The following CEP170 variants were observed in gnomAD, a reference collection of about 807,000 sequenced individuals.
CEP170 encodes the protein centrosomal protein 170.
In CEP170, 21 loss-of-function variants were observed where a neutral mutation model predicts 151.9. The ratio of observed to expected loss-of-function variants is 0.14; its 90% CI spans 0.10 to 0.20. The LOEUF (loss-of-function observed/expected upper bound fraction) is 0.20. CEP170 is among the 10% of genes least tolerant of loss of function. The probability of loss-of-function intolerance (pLI) is 1.00; values close to 1 mark genes in which losing one functional copy is unlikely to be tolerated. For synonymous variants in CEP170, 356 were observed against 648.8 expected (o/e 0.55, Z 6.86); for missense variants, 964 against 1,892.9 (o/e 0.51, Z 9.11).
intron 1 of CEP170, among the ~76,000 whole-genome samples, chr1:243,243,525 T>TATTG (rs1453582355): frequency 1.3e-5 from 2 of 151,632 alleles, no homozygotes; most frequent in African/African-American, 4.9e-5. Flanking sequence ...TTTATTTATT[T>TATTG]ATTTATTTAT....
chr1:243,152,317 G>A (rs2057166477), intron 14 of CEP170, among the ~76,000 whole-genome samples: 1 of 150,576 alleles, frequency 6.6e-6, no homozygotes, highest in Non-Finnish European at 1.5e-5. Context: ...CGCCTCCTGG[G>A]TTCACGCCAT....
At chr1:243,142,112 C>T (rs540887275) in intron 15 of CEP170, among the ~76,000 whole-genome samples, 8 of 152,152 alleles carry the variant, frequency 5.3e-5, no homozygotes, top group Admixed American at 2.6e-4. Context: ...TTTCCAGCTT[C>T]GTGTTAATAG....
At chr1:243,228,964 G>A (rs977105193) in intron 1 of CEP170, among the ~76,000 whole-genome samples, 15 of 152,204 alleles carry the variant, frequency 9.9e-5, no homozygotes, top group Non-Finnish European at 2.1e-4. Context: ...GAATGACCCT[G>A]AGTCCACTTA....
At chr1:243,128,532 G>C (rs1431058601) in intron 18 of CEP170, 1 of 467,194 alleles carries the variant, frequency 2.1e-6, no homozygotes, top group Non-Finnish European at 3.6e-6. Context: ...GATGATTGTA[G>C]CAGATGAAAA....
At chr1:243,204,481 TG>T (rs1461852979) in intron 4 of CEP170, among the ~76,000 whole-genome samples, 2 of 152,218 alleles carry the variant, frequency 1.3e-5, no homozygotes, top group African/African-American at 4.8e-5. Context: ...TAGAAGGTAC[TG>T]GGTTCTTACT....
At chr1:243,172,090 C>T (rs1481460576) in intron 11 of CEP170, among the ~76,000 whole-genome samples, 1 of 152,084 alleles carries the variant, frequency 6.6e-6, no homozygotes, top group Non-Finnish European at 1.5e-5. Context: ...AAAGTATAAG[C>T]AGGATATGTT....
chr1:243,218,594 G>C lies in CEP170; in HGVS notation c.195+3130C>G, dbSNP rs865918965. On this transcript the variant is annotated intron_variant, in intron 3 of 19. Transcript: ENST00000366542. ...GCTAGGGTGAAAGGGGACAGGAGTGGAAATGATCACTTTTAAGTTGAATTT... is the reference window on the plus strand; with the variant it reads ...GCTAGGGTGAAAGGGGACAGGAGTGCAAATGATCACTTTTAAGTTGAATTT... Among the ~76,000 whole-genome samples, 5 of 152,284 alleles carry C rather than the reference G, an allele frequency of 3.3e-5. No individual in the cohort carries two copies. The Middle Eastern group carries it at 0.01, about 311-fold the overall frequency.
chr1:243,231,148 T>A (rs2149060541), intron 1 of CEP170, among the ~76,000 whole-genome samples: 1 of 145,956 alleles, frequency 6.9e-6, no homozygotes, highest in East Asian at 2.0e-4. Flanking sequence ...AAAACTATCT[T>A]TCAAGCATCA....
intron 10 of CEP170, among the ~76,000 whole-genome samples, chr1:243,178,424 T>C (rs2148665105): frequency 6.8e-6 from 1 of 147,508 alleles, no homozygotes; most frequent in Admixed American, 6.8e-5. Context: ...AGACCACATA[T>C]AGTATGATTC....
intron 1 of CEP170, among the ~76,000 whole-genome samples, chr1:243,233,977 A>G (rs1016753256): frequency 6.6e-6 from 1 of 152,128 alleles, no homozygotes; most frequent in Non-Finnish European, 1.5e-5. Context: ...ATTAAGCCTG[A>G]GAAAAAATCA....
chr1:243,196,205 A>G (rs2060637070), intron 7 of CEP170, among the ~76,000 whole-genome samples: 1 of 152,000 alleles, frequency 6.6e-6, no homozygotes, highest in South Asian at 2.1e-4. Context: ...TTTTAGAGTG[A>G]TTGTGTTTAC....
chr1:243,209,888 T>A (rs1297385514), intron 4 of CEP170, among the ~76,000 whole-genome samples: 2 of 152,062 alleles, frequency 1.3e-5, no homozygotes, highest in East Asian at 3.9e-4. Context: ...AGAGATGGGG[T>A]TTCACTGTGT....
intron 4 of CEP170, among the ~76,000 whole-genome samples, chr1:243,208,291 C>T (rs1423626644): frequency 2.6e-5 from 4 of 152,216 alleles, no homozygotes; most frequent in Admixed American, 2.6e-4. Context: ...CCCCTGCCCA[C>T]TCCACCCTTA....
chr1:243,164,186 G>T, intron 13 of CEP170, 98 bp downstream of exon 13: 2 of 1,287,316 alleles, frequency 1.6e-6, no homozygotes, highest in Non-Finnish European at 2.0e-6. Flanking sequence ...TGAGTATCTT[G>T]GGAAGACAAC....
chr1:243,198,233 C>T (rs1158703309), intron 7 of CEP170, among the ~76,000 whole-genome samples: 1 of 152,078 alleles, frequency 6.6e-6, no homozygotes, highest in Non-Finnish European at 1.5e-5. Flanking sequence ...CATGTCTTTG[C>T]AAGGTCCTTA....
chr1:243,218,372 C>A (rs190295965), intron 3 of CEP170, among the ~76,000 whole-genome samples: 224 of 152,318 alleles, frequency 1.5e-3, no homozygotes, highest in African/African-American at 5.1e-3. Context: ...GGGGCAAGGG[C>A]CCCAGTGGAG....
At chr1:243,134,999 G>GA (rs2054878857) in intron 17 of CEP170, among the ~76,000 whole-genome samples, 1 of 152,058 alleles carries the variant, frequency 6.6e-6, no homozygotes, top group African/African-American at 2.4e-5. Flanking sequence ...CCCACTATTA[G>GA]ATATAATAAA....
At chr1:243,134,251 T>C (rs1372483400) in intron 17 of CEP170, among the ~76,000 whole-genome samples, 3 of 152,194 alleles carry the variant, frequency 2.0e-5, no homozygotes, top group African/African-American at 7.2e-5. Flanking sequence ...CAGGGGTCTT[T>C]GTTTTGTCAA....
intron 1 of CEP170, among the ~76,000 whole-genome samples, chr1:243,252,134 A>C (rs1421432417): frequency 6.6e-6 from 1 of 152,194 alleles, no homozygotes; most frequent in Admixed American, 6.5e-5. Context: ...ATCAACACTG[A>C]ATGCTCCAGT....
Sources: allele counts gnomAD v4.1 joint callset (sites outside exome capture counted in the v4.1 genomes callset), GRCh38; gene constraint gnomAD v4.1.1; transcripts MANE v1.5; gene names NCBI Gene and HGNC (gene_info 2026-07-23, HGNC 2026-07-21).